The following MTPN variants were observed in gnomAD, a reference collection of about 807,000 sequenced individuals.
The protein encoded by MTPN is granule cell differentiation protein.
Under a neutral mutation model 13.5 loss-of-function variants are expected in MTPN, and 2 were observed. The observed-to-expected ratio is 0.15, with a 90% CI of 0.06 to 0.47. MTPN has a LOEUF of 0.47. Among genes scored for constraint, MTPN ranks in the 20% least tolerant of loss-of-function variants. The pLI, the probability that MTPN is intolerant of heterozygous loss-of-function variation, is 0.97. For synonymous variants in MTPN, 46 were observed against 51.7 expected (o/e 0.89, Z 0.48); for missense variants, 79 against 137.9 (o/e 0.57, Z 2.14).
intron 1 of MTPN, among the ~76,000 whole-genome samples, chr7:135,972,917 C>G (rs546366420): frequency 1.3e-5 from 2 of 151,828 alleles, no homozygotes; most frequent in African/African-American, 4.8e-5. Flanking sequence ...CAGACTTGGT[C>G]AGGGAGGATG....
At chr7:135,935,894 T>G (rs1799108271) in intron 3 of MTPN, among the ~76,000 whole-genome samples, 1 of 152,048 alleles carries the variant, frequency 6.6e-6, no homozygotes, top group African/African-American at 2.4e-5. Flanking sequence ...AAGGTTCAGC[T>G]CAAGTGTCAA....
intron 1 of MTPN, 102 bp downstream of exon 1, chr7:135,976,927 T>TCCCCCCCCCCCCC: frequency 4.9e-6 from 2 of 410,736 alleles, no homozygotes; most frequent in Non-Finnish European, 1.0e-5. Flanking sequence ...AAGTCTCTCC[T>TCCCCCCCCCCCCC]CCCGCCCACC....
At position 135,927,503 on chromosome 7, in the gene MTPN, G is replaced by A; in HGVS notation, c.*2423C>T. The A allele has an allele frequency of 8.0e-7, 1 of 1,249,260 alleles. No homozygotes were observed. Among genetic ancestry groups the A allele is most frequent in the South Asian group, 1.4e-5 (1 of 69,872 alleles). The allele number at this position is 1,249,260 out of a possible 1,614,324, so 77.4% of individuals were successfully genotyped here. A position where few individuals can be genotyped will look rare whatever the true frequency, so the allele number is the denominator to read the frequency against. On this transcript the variant is annotated 3_prime_UTR_variant, in exon 4 of 4. Coordinates refer to ENST00000393085, the MANE Select transcript of MTPN (RefSeq NM_145808.4). ...TTCTGAGATGTTAAGTATTACTTCAGTGGAGAACAAAACTTACTTAACCTT... is the reference window on the plus strand; with the variant it reads ...TTCTGAGATGTTAAGTATTACTTCAATGGAGAACAAAACTTACTTAACCTT...
At chr7:135,940,171 A>G (rs1219854042) in intron 3 of MTPN, among the ~76,000 whole-genome samples, 1 of 152,184 alleles carries the variant, frequency 6.6e-6, no homozygotes, top group Non-Finnish European at 1.5e-5. Flanking sequence ...AAATGTTCAG[A>G]ATCTGAAAAC....
intron 1 of MTPN, among the ~76,000 whole-genome samples, chr7:135,967,938 G>A (rs1799630706): frequency 1.3e-5 from 2 of 152,206 alleles, no homozygotes; most frequent in Admixed American, 1.3e-4. Context: ...ATTGTACTAT[G>A]TTTAAAGTGT....
chr7:135,950,865 T>C (rs1340385656), intron 2 of MTPN, among the ~76,000 whole-genome samples, 183 bp from the exon 3 acceptor site: 4 of 152,156 alleles, frequency 2.6e-5, no homozygotes, highest in African/African-American at 7.2e-5. Flanking sequence ...CCACGAGCAA[T>C]GTCTTTCCTT....
At chr7:135,966,054 C>T (rs1276598244) in intron 1 of MTPN, among the ~76,000 whole-genome samples, 1 of 151,976 alleles carries the variant, frequency 6.6e-6, no homozygotes, top group African/African-American at 2.4e-5. Flanking sequence ...TAATTTCAAG[C>T]AACAGAAACC....
chr7:135,939,552 C>A (rs1799170242), intron 3 of MTPN, among the ~76,000 whole-genome samples: 1 of 81,062 alleles, frequency 1.2e-5, no homozygotes, highest in African/African-American at 5.0e-5. Context: ...ATCTTGTGAC[C>A]ATAAGGATTG....
At chr7:135,973,165 G>A (rs1799721269) in intron 1 of MTPN, among the ~76,000 whole-genome samples, 2 of 150,162 alleles carry the variant, frequency 1.3e-5, no homozygotes, top group Non-Finnish European at 3.0e-5. Flanking sequence ...ATGTTATTGA[G>A]AGATCCCTCC....
chr7:135,969,186 T>C (rs1210553854), intron 1 of MTPN, among the ~76,000 whole-genome samples: 2 of 133,770 alleles, frequency 1.5e-5, no homozygotes, highest in African/African-American at 5.8e-5. Flanking sequence ...CATGTATACA[T>C]ATGCAACTAA....
chr7:135,940,344 A>T (rs2116355657), intron 3 of MTPN, among the ~76,000 whole-genome samples: 1 of 152,312 alleles, frequency 6.6e-6, no homozygotes, highest in Middle Eastern at 3.4e-3. Context: ...GTGCAGGATG[A>T]TTTCATAGCA....
chr7:135,956,723 C>G (rs1421340619), intron 1 of MTPN, among the ~76,000 whole-genome samples: 1 of 152,008 alleles, frequency 6.6e-6, no homozygotes, highest in Non-Finnish European at 1.5e-5. Context: ...CTTCATGTTT[C>G]TTTCTTTTCT....
At chr7:135,965,826 A>G (rs1799596156) in intron 1 of MTPN, among the ~76,000 whole-genome samples, 1 of 152,186 alleles carries the variant, frequency 6.6e-6, no homozygotes, top group Non-Finnish European at 1.5e-5. Context: ...CACTAAGAAT[A>G]TCTGTTAACA....
At chr7:135,970,565 C>T (rs1799678843) in intron 1 of MTPN, among the ~76,000 whole-genome samples, 1 of 152,080 alleles carries the variant, frequency 6.6e-6, no homozygotes, top group Non-Finnish European at 1.5e-5. Flanking sequence ...TTATTCAATA[C>T]AGCTTTGCTT....
intron 1 of MTPN, among the ~76,000 whole-genome samples, chr7:135,964,037 T>C (rs1371019025): frequency 1.3e-5 from 2 of 152,014 alleles, no homozygotes; most frequent in East Asian, 3.9e-4. Context: ...AGAAAATCCA[T>C]TTAAAACATT....
At chr7:135,967,095 T>G (rs1799617968) in intron 1 of MTPN, among the ~76,000 whole-genome samples, 1 of 152,088 alleles carries the variant, frequency 6.6e-6, no homozygotes, top group Admixed American at 6.6e-5. Flanking sequence ...TAACCAGTCA[T>G]TAAGACAAAA....
At chr7:135,971,961 T>A (rs1799699333) in intron 1 of MTPN, among the ~76,000 whole-genome samples, 1 of 152,174 alleles carries the variant, frequency 6.6e-6, no homozygotes, top group African/African-American at 2.4e-5. Context: ...TATGGACACG[T>A]CTTGAGTAAT....
At chr7:135,950,950 G>C (rs1014601694) in intron 2 of MTPN, among the ~76,000 whole-genome samples, 1 of 152,060 alleles carries the variant, frequency 6.6e-6, no homozygotes, top group Admixed American at 6.6e-5. Flanking sequence ...ACTTACTATG[G>C]TACTATTATT....
intron 3 of MTPN, among the ~76,000 whole-genome samples, chr7:135,943,575 A>G (rs1397470872): frequency 1.3e-5 from 2 of 152,224 alleles, no homozygotes; most frequent in African/African-American, 4.8e-5. Context: ...ATTATACATA[A>G]AACATAAAAC....
Sources: gnomAD v4.1 joint callset for allele counts (sites outside exome capture counted in the v4.1 genomes callset) on GRCh38, gnomAD v4.1.1 for gene constraint, MANE v1.5 for transcripts, NCBI Gene and HGNC (gene_info 2026-07-23, HGNC 2026-07-21) for gene names.